The following PTPRN2 variants were observed in gnomAD, a reference collection of about 807,000 sequenced individuals.
The protein encoded by PTPRN2 is protein tyrosine phosphatase receptor type N2.
PTPRN2 carries 74 observed loss-of-function variants against 118.8 expected under a neutral mutation model. The observed-to-expected ratio is 0.62, with a 90% confidence interval of 0.52 to 0.76. PTPRN2 has a LOEUF of 0.76. Among genes scored for constraint, PTPRN2 ranks in the 30% least tolerant of loss-of-function variants. The pLI, the probability that PTPRN2 is intolerant of heterozygous loss-of-function variation, is 0.00. For synonymous variants in PTPRN2, 641 were observed against 608.0 expected, an observed-to-expected ratio of 1.05 and a Z score of -0.80; for missense variants, 1,481 against 1,394.4, an observed-to-expected ratio of 1.06 and a Z score of -0.99.
chr7:158,489,592 G>C (rs1051854172), intron 2 of PTPRN2, 143 bp downstream of exon 2: 15 of 775,820 alleles, frequency 1.9e-5, no homozygotes, highest in Admixed American at 8.1e-5. Flanking sequence ...CCATGGCTCC[G>C]GGGTTCCATC....
intron 12 of PTPRN2, among the ~76,000 whole-genome samples, chr7:157,871,613 T>A (rs1811053290): frequency 6.6e-6 from 1 of 152,094 alleles, no homozygotes; most frequent in African/African-American, 2.4e-5. Flanking sequence ...CTCCTCCTTT[T>A]ATTTTTTTTT....
intron 12 of PTPRN2, among the ~76,000 whole-genome samples, chr7:157,837,394 G>A (rs1381364621): frequency 3.3e-5 from 5 of 151,602 alleles, no homozygotes; most frequent in Non-Finnish European, 4.4e-5. Context: ...GTTTATGGAC[G>A]GCTAGGACAT....
chr7:158,538,896 A>G (rs929505484), intron 1 of PTPRN2, among the ~76,000 whole-genome samples: 3 of 151,624 alleles, frequency 2.0e-5, no homozygotes, highest in African/African-American at 7.3e-5. Context: ...ACCCACCCAA[A>G]CTCACAGGTG....
rs145539649 is a variant in PTPRN2, at chr7:158,167,233, G to A, written c.608C>T (p.Thr203Ile). Residue 203 changes from threonine to isoleucine, a missense_variant, in exon 6 of 23, where the codon ACC (threonine) becomes ATC (isoleucine). By Grantham distance (89) the Thr-to-Ile change is moderately conservative. Around this residue, in one of 3 missense-constraint regions of PTPRN2, gnomAD observed 1,115 missense variants for 994.2 expected, o/e 1.12. Transcript: ENST00000389418. ...CTGGGTCCGGGACCCGGGAGGGTAG[G>A]TCAGCGCAGACGTGTGGGCCACATA... ...LTYVAHTSAL[T>I]YPPGSRTQLR... is the part of the protein sequence containing the mutation. 6 of 1,613,322 alleles carry A rather than the reference G, an allele frequency of 3.7e-6. No individual in the cohort carries two copies. In the African/African-American group the frequency reaches 4.0e-5, roughly 11 times the overall value.
intron 2 of PTPRN2, among the ~76,000 whole-genome samples, chr7:158,429,526 G>A (rs1225703576): frequency 2.0e-5 from 3 of 152,276 alleles, no homozygotes. Context: ...CCTTAGACCC[G>A]CTGGTGATGT....
chr7:157,563,506 G>C (rs867054275), intron 21 of PTPRN2, among the ~76,000 whole-genome samples: 68 of 37,658 alleles, frequency 1.8e-3, no homozygotes, highest in Admixed American at 3.1e-3. Flanking sequence ...GGACCACGTG[G>C]TCCCGCATCA....
chr7:157,600,258 TCTCCACCTG>T lies in PTPRN2; in HGVS notation c.2418+3735_2418+3743del, dbSNP rs939909868. ...CTGCCTACCTCTCCACCTGCCCACA[TCTCCACCTG>T]CCCACATCTCCACCTGCCTTTCCTA... is the stretch of plus-strand genomic sequence containing the variant. On this transcript the variant is annotated intron_variant, in intron 16 of 22. Coordinates refer to ENST00000389418, the MANE Select transcript of PTPRN2 (RefSeq NM_002847.5). Among the ~76,000 whole-genome samples, 211 of 151,940 alleles carry T rather than the reference TCTCCACCTG, an allele frequency of 1.4e-3. 1 individual carries two copies. The highest frequency in any genetic ancestry group is 2.6e-3 in the Non-Finnish European group (174 of 67,910).
In PTPRN2 at chr7:157,832,081, T is replaced by C. The variant is rs113730443; in HGVS notation, c.1788+66592A>G. ...GGCACTTGCACAACCATGTGATGAATTCTTCAGCAGCGCCCGGAAGCTCGG... is the reference window on the plus strand; with the variant it reads ...GGCACTTGCACAACCATGTGATGAACTCTTCAGCAGCGCCCGGAAGCTCGG... On this transcript the variant is annotated intron_variant, in intron 12 of 22. Transcript: ENST00000389418. Among the ~76,000 whole-genome samples the C allele has an allele frequency of 5.3e-3, 801 of 152,244 alleles. 2 individuals are homozygous for C. Among genetic ancestry groups the C allele is most frequent in the Non-Finnish European group, 9.7e-3 (659 of 68,024 alleles).
chr7:157,755,680 C>A (rs1484889477), intron 12 of PTPRN2, among the ~76,000 whole-genome samples: 1 of 152,020 alleles, frequency 6.6e-6, no homozygotes, highest in African/African-American at 2.4e-5. Context: ...GCACTGGGTA[C>A]CCATGGACAC....
chr7:158,159,396 T>C (rs1822158784), intron 6 of PTPRN2, among the ~76,000 whole-genome samples: 1 of 152,168 alleles, frequency 6.6e-6, no homozygotes, highest in Admixed American at 6.5e-5. Context: ...ACCTTGGCCA[T>C]ACAAGCGATA....
intron 2 of PTPRN2, among the ~76,000 whole-genome samples, chr7:158,425,931 C>T (rs1330599974): frequency 6.9e-6 from 1 of 143,902 alleles, no homozygotes; most frequent in East Asian, 2.0e-4. Flanking sequence ...TCCAGCCTAG[C>T]TGGGGCCTGC....
At chr7:158,259,464 G>A (rs1797245949) in intron 3 of PTPRN2, among the ~76,000 whole-genome samples, 1 of 152,206 alleles carries the variant, frequency 6.6e-6, no homozygotes, top group African/African-American at 2.4e-5. Flanking sequence ...CCTGGGAAAA[G>A]CCTAAAGGAG....
rs1419471457 is a variant in PTPRN2, at chr7:157,540,701, C to T, written c.*13G>A. On this transcript the variant is annotated 3_prime_UTR_variant, in exon 23 of 23. Transcript: ENST00000389418. ...TGGGGTGGGGGCTCCCCTGAGGCCC[C>T]TGAGGCTGCCGCTCACTGGGGAAGG... The T allele has an allele frequency of 1.3e-6, 2 of 1,546,806 alleles. No homozygotes were observed. The highest frequency in any genetic ancestry group is 1.8e-6 in the Non-Finnish European group (2 of 1,140,986).
intron 3 of PTPRN2, among the ~76,000 whole-genome samples, chr7:158,294,768 T>C (rs1800350045): frequency 2.6e-5 from 4 of 152,204 alleles, no homozygotes; most frequent in Admixed American, 2.6e-4. Flanking sequence ...CGCTCATGGT[T>C]CACCCACCTT....
intron 12 of PTPRN2, among the ~76,000 whole-genome samples, chr7:157,816,810 CCT>C (rs915298834): frequency 2.6e-5 from 4 of 152,230 alleles, no homozygotes; most frequent in African/African-American, 9.6e-5. Context: ...TCCCTGGCCC[CCT>C]CTCTTGCCCC....
intron 3 of PTPRN2, among the ~76,000 whole-genome samples, chr7:158,243,347 C>T (rs562275412): frequency 4.8e-4 from 73 of 152,262 alleles, no homozygotes; most frequent in Non-Finnish European, 7.5e-4. Flanking sequence ...ACTGGCACTT[C>T]TCACCTTGTT....
intron 14 of PTPRN2, among the ~76,000 whole-genome samples, chr7:157,638,834 C>A (rs1411434503): frequency 6.6e-6 from 1 of 152,196 alleles, no homozygotes; most frequent in Non-Finnish European, 1.5e-5. Context: ...CTAAGGCCAT[C>A]AGCATTAGCC....
At chr7:158,372,581 C>A (rs192022588) in intron 2 of PTPRN2, among the ~76,000 whole-genome samples, 2 of 149,136 alleles carry the variant, frequency 1.3e-5, no homozygotes. Context: ...GGAGCTGGTC[C>A]CCCCAACACT....
intron 2 of PTPRN2, among the ~76,000 whole-genome samples, chr7:158,410,088 G>C (rs936479787): frequency 6.6e-6 from 1 of 152,138 alleles, no homozygotes; most frequent in African/African-American, 2.4e-5. Flanking sequence ...AGGCAGACCT[G>C]GAGTTCATCC....
Sources: allele counts gnomAD v4.1 joint callset (sites outside exome capture counted in the v4.1 genomes callset), GRCh38; gene constraint gnomAD v4.1.1; regional missense constraint gnomAD v4.1.1; transcripts MANE v1.5; gene names NCBI Gene and HGNC (gene_info 2026-07-23, HGNC 2026-07-21).